DNAJC17: variants seen among roughly 807,000 people sequenced by gnomAD.
The protein encoded by DNAJC17 is dnaJ homolog subfamily C member 17.
Under a neutral mutation model 48.1 loss-of-function variants are expected in DNAJC17, and 35 were observed. The ratio of observed to expected loss-of-function variants is 0.73; its 90% CI spans 0.56 to 0.96. The LOEUF (loss-of-function observed/expected upper bound fraction) is 0.96. Among genes scored for constraint, DNAJC17 ranks in the 50% least tolerant of loss-of-function variants. DNAJC17 has a pLI of 0.00. For missense variants in DNAJC17, 355 were observed against 377.1 expected, an observed-to-expected ratio of 0.94 and a Z score of 0.48; for synonymous variants, 117 against 142.7, an observed-to-expected ratio of 0.82 and a Z score of 1.28.
chr15:40,776,451 G>A lies in DNAJC17; in HGVS notation c.381+91C>T, dbSNP rs954254702. ...CTCCCACTGAAGGTGCAAAGAGCATGCCCTCTCTAGCCACGGCGACCACCA... is the reference window on the plus strand; with the variant it reads ...CTCCCACTGAAGGTGCAAAGAGCATACCCTCTCTAGCCACGGCGACCACCA... On this transcript the variant is annotated intron_variant, in intron 5 of 10. Coordinates refer to ENST00000220496, the MANE Select transcript of DNAJC17 (RefSeq NM_018163.3). 3 of 1,516,898 alleles carry A rather than the reference G, an allele frequency of 2.0e-6. No individual in the cohort carries two copies. In the African/African-American group the frequency reaches 4.1e-5, roughly 21 times the overall value. 94.0% of individuals were successfully genotyped at this position (1,516,898 alleles called of 1,614,324 possible). A position where few individuals can be genotyped will look rare whatever the true frequency, so the allele number is the denominator to read the frequency against.
chr15:40,796,163 C>G lies in DNAJC17; in HGVS notation c.78+11206G>C, dbSNP rs146262465. Among the ~76,000 whole-genome samples, 5 of 152,264 alleles carry G rather than the reference C, an allele frequency of 3.3e-5. No homozygotes were observed. The South Asian group carries it at 6.2e-4, about 19-fold the overall frequency. On this transcript the variant is annotated intron_variant, in intron 1 of 10. Transcript: ENST00000220496. ...AATAAGAATGCATGTTCATCAATCA[C>G]TCAACAAAGATTTATTAAGCATCTA...
intron 1 of DNAJC17, among the ~76,000 whole-genome samples, chr15:40,799,399 AAGG>A (rs1280377827): frequency 6.6e-6 from 1 of 151,734 alleles, no homozygotes; most frequent in Non-Finnish European, 1.5e-5. Context: ...GATGGGGAAC[AAGG>A]AGAATGGCTG....
intron 1 of DNAJC17, among the ~76,000 whole-genome samples, chr15:40,790,868 C>A (rs1889780086): frequency 6.6e-6 from 1 of 152,070 alleles, no homozygotes; most frequent in African/African-American, 2.4e-5. Flanking sequence ...TAAGTAACTT[C>A]AAAAATCCAG....
At chr15:40,774,086 A>G (rs900746235) in intron 9 of DNAJC17, among the ~76,000 whole-genome samples, 3 of 152,180 alleles carry the variant, frequency 2.0e-5, no homozygotes, top group Non-Finnish European at 4.4e-5. Context: ...CACAGCCCCA[A>G]GGGGTGCAGG....
In DNAJC17 at chr15:40,770,144, G is replaced by A. The variant is rs1331495966; in HGVS notation, c.793-2082C>T. 2 of 236,142 alleles carry A rather than the reference G, an allele frequency of 8.5e-6. No individual in the cohort carries two copies. The highest frequency in any genetic ancestry group is 4.6e-5 in the African/African-American group (2 of 43,656). The allele number at this position is 236,142 out of a possible 1,614,324, so 14.6% of individuals were successfully genotyped here. The stretch of plus-strand genomic sequence containing the variant: ...TCGCCAGCCTCACCCAGCCCGAGAA[G>A]GTCCACCTCTGCCTCCGCCGGAGCT... On this transcript the variant is annotated intron_variant, in intron 10 of 10. Transcript: ENST00000220496. The surrounding 1 kb of genome is among the most constrained non-coding windows in gnomAD (Gnocchi z 5.0).
intron 1 of DNAJC17, among the ~76,000 whole-genome samples, chr15:40,799,447 C>T (rs1890022753): frequency 6.6e-6 from 1 of 151,822 alleles, no homozygotes; most frequent in Non-Finnish European, 1.5e-5. Flanking sequence ...GTGTTTAGCT[C>T]ACTTTTGGCC....
At chr15:40,800,530 A>T (rs1167321997) in intron 1 of DNAJC17, among the ~76,000 whole-genome samples, 1 of 150,656 alleles carries the variant, frequency 6.6e-6, no homozygotes, top group African/African-American at 2.4e-5. Context: ...TCACTCTGTC[A>T]CCCAGGCTGG....
chr15:40,775,149 C>T (rs1460628941), intron 7 of DNAJC17, 41 bp from the exon 8 acceptor site: 4 of 1,601,890 alleles, frequency 2.5e-6, no homozygotes, highest in Non-Finnish European at 3.4e-6. Context: ...CTTGGCTGAA[C>T]AGTACCTCAC....
At position 40,770,422 on chromosome 15, in the gene DNAJC17, ACTCACTGCCCCAG is replaced by A. The variant is rs1411927908; in HGVS notation, c.793-2373_793-2361del. 7.1e-7 allele frequency: 1 copy of A among 1,416,012 alleles called. No individual in the cohort carries two copies. Among genetic ancestry groups the A allele is most frequent in the Non-Finnish European group, 9.4e-7 (1 of 1,062,382 alleles). The allele number at this position is 1,416,012 out of a possible 1,614,324, so 87.7% of individuals were successfully genotyped here. On this transcript the variant is annotated intron_variant, in intron 10 of 10. Coordinates refer to ENST00000220496, the MANE Select transcript of DNAJC17 (RefSeq NM_018163.3). This position sits in a 1 kb window ranked among gnomAD's most constrained non-coding sequence, Gnocchi z 5.0. ...TAGGGGAGCCTCCCCAGCTGCTGGC[ACTCACTGCCCCAG>A]CAGGGACCACATGCACCCTGGCTGC...
chr15:40,803,779 C>T (rs563299285), intron 1 of DNAJC17, among the ~76,000 whole-genome samples: 5 of 152,236 alleles, frequency 3.3e-5, no homozygotes, highest in African/African-American at 1.2e-4. Flanking sequence ...GCAGGAGCAG[C>T]ACCTGTTACC....
At position 40,770,096 on chromosome 15, in the gene DNAJC17, C is replaced by G; in HGVS notation, c.793-2034G>C. 1 of 203,106 alleles carries G rather than the reference C, an allele frequency of 4.9e-6. No homozygotes were observed. Among genetic ancestry groups the G allele is most frequent in the Non-Finnish European group, 1.0e-5 (1 of 99,538 alleles). The allele number at this position is 203,106 out of a possible 1,614,324, so 12.6% of individuals were successfully genotyped here. ...AGGGCGAGTGAGCTCGGGCCATCTGCTGCCTGCCTGTGGAAGGAGCGCTCG... is the reference window on the plus strand; with the variant it reads ...AGGGCGAGTGAGCTCGGGCCATCTGGTGCCTGCCTGTGGAAGGAGCGCTCG... On this transcript the variant is annotated intron_variant, in intron 10 of 10. Transcript: ENST00000220496. The surrounding 1 kb of genome is among the most constrained non-coding windows in gnomAD (Gnocchi z 5.0).
At chr15:40,793,826 G>A (rs1001183868) in intron 1 of DNAJC17, among the ~76,000 whole-genome samples, 7 of 152,002 alleles carry the variant, frequency 4.6e-5, no homozygotes, top group African/African-American at 1.4e-4. Context: ...CATCATCCTC[G>A]TTTTGCAGAC....
chr15:40,780,241 T>G, intron 1 of DNAJC17: 1 of 635,788 alleles, frequency 1.6e-6, no homozygotes, highest in East Asian at 3.2e-5. Context: ...CCACTGCAGA[T>G]GTCCAGGGGC....
At chr15:40,807,202 TCCAGGAAATGTCTGGGAGC>T in intron 1 of DNAJC17, 148 bp downstream of exon 1, 1 of 1,502,266 alleles carries the variant, frequency 6.7e-7, no homozygotes, top group Non-Finnish European at 8.9e-7. Context: ...CCTCGGACCG[TCCAGGAAATGTCTGGGAGC>T]CCGCCTGCGG....
chr15:40,773,805 C>T lies in DNAJC17; in HGVS notation c.714G>A (p.Val238=), dbSNP rs1889231839. 2.5e-6 allele frequency: 4 copies of T among 1,614,112 alleles called. No individual in the cohort carries two copies. The highest frequency in any genetic ancestry group is 3.4e-6 in the Non-Finnish European group (4 of 1,179,980). ...ELAVQNEVGL[V]DNPLKISWLE... is the part of the protein sequence containing the mutation. ...ACCAGGAAATCTTCAGAGGGTTATC[C>T]ACCAGGCCAACTTCATTCTGGACAG... Residue 238 remains valine (V), a synonymous_variant, in exon 10 of 11, where the codon GTG becomes GTA. Transcript: ENST00000220496.
At chr15:40,807,297 A>G in intron 1 of DNAJC17, 72 bp downstream of exon 1, 1 of 1,613,164 alleles carries the variant, frequency 6.2e-7, no homozygotes, top group East Asian at 2.2e-5. Flanking sequence ...GGATGCCAGC[A>G]GTGGCCGAGG....
At chr15:40,787,388 A>G (rs1395506902) in intron 1 of DNAJC17, among the ~76,000 whole-genome samples, 2 of 152,194 alleles carry the variant, frequency 1.3e-5, no homozygotes, top group Non-Finnish European at 2.9e-5. Context: ...AACCTCAACT[A>G]TGTCAATTAC....
intron 1 of DNAJC17, among the ~76,000 whole-genome samples, chr15:40,805,365 T>A (rs1332346114): frequency 3.1e-5 from 3 of 96,104 alleles, no homozygotes; most frequent in African/African-American, 1.3e-4. Context: ...CAAAGAGTGA[T>A]ACTCTGTCTC....
intron 1 of DNAJC17, among the ~76,000 whole-genome samples, chr15:40,798,158 T>G (rs1429310373): frequency 3.3e-5 from 5 of 152,166 alleles, no homozygotes; most frequent in Non-Finnish European, 7.3e-5. Context: ...TATTCAACCT[T>G]AAAAAGAAAG....
Sources: allele counts gnomAD v4.1 joint callset (sites outside exome capture counted in the v4.1 genomes callset), GRCh38; gene constraint gnomAD v4.1.1; non-coding constraint Gnocchi (gnomAD v3.1); transcripts MANE v1.5; gene names NCBI Gene and HGNC (gene_info 2026-07-23, HGNC 2026-07-21).